The following EDARADD variants were observed in gnomAD, a reference collection of about 807,000 sequenced individuals.
The protein encoded by EDARADD is EDAR associated via death domain, also known as ectodysplasin-A receptor-associated adapter protein.
EDARADD carries 20 observed loss-of-function variants against 25.6 expected under a neutral mutation model. That is an observed-to-expected ratio of 0.78 (90% CI 0.55 to 1.14). The LOEUF is 1.14. EDARADD is among the 50% of genes most tolerant of loss of function. EDARADD has a pLI of 0.00. For missense variants in EDARADD, 225 were observed against 270.1 expected, an observed-to-expected ratio of 0.83 and a Z score of 1.17; for synonymous variants, 86 against 94.4, an observed-to-expected ratio of 0.91 and a Z score of 0.52.
At chr1:236,473,198 T>C (rs1558136951) in intron 5 of EDARADD, among the ~76,000 whole-genome samples, 1 of 152,106 alleles carries the variant, frequency 6.6e-6, no homozygotes, top group Non-Finnish European at 1.5e-5. Context: ...GTAAGTCATT[T>C]TATATGGTGG....
At position 236,484,606 on chromosome 1, in the gene EDARADD, G is replaced by A. The variant is rs1323232281; in HGVS notation, c.*1957G>A. Reference sequence around the variant, plus strand: ...TTAGCTACCCTTGCCCACCGCCGTGGAGTTCGCACCTCTTCCTTAGAACTT... The same window carrying A: ...TTAGCTACCCTTGCCCACCGCCGTGAAGTTCGCACCTCTTCCTTAGAACTT... On this transcript the variant is annotated 3_prime_UTR_variant, in exon 6 of 6. Coordinates refer to ENST00000334232, the MANE Select transcript of EDARADD (RefSeq NM_145861.4). The surrounding 1 kb of genome is among the most constrained non-coding windows in gnomAD (Gnocchi z 4.1). 11 of 629,230 alleles carry A rather than the reference G, an allele frequency of 1.7e-5. No homozygotes were observed. The African/African-American group carries it at 1.8e-4, about 10-fold the overall frequency. The allele number at this position is 629,230 out of a possible 1,614,324, so 39.0% of individuals were successfully genotyped here.
At chr1:236,448,087 G>C (rs1658614693) in intron 4 of EDARADD, among the ~76,000 whole-genome samples, 1 of 152,126 alleles carries the variant, frequency 6.6e-6, no homozygotes, top group Non-Finnish European at 1.5e-5. Flanking sequence ...CGCCTGCCTT[G>C]GGCTCCCAAA....
chr1:236,463,679 T>C (rs1019234010), intron 4 of EDARADD, among the ~76,000 whole-genome samples: 1 of 152,202 alleles, frequency 6.6e-6, no homozygotes, highest in Non-Finnish European at 1.5e-5. Flanking sequence ...CCTCCAGAAC[T>C]TCTCTGTCTT....
intron 4 of EDARADD, among the ~76,000 whole-genome samples, chr1:236,427,662 T>C (rs1325526009): frequency 6.6e-6 from 1 of 152,174 alleles, no homozygotes; most frequent in Non-Finnish European, 1.5e-5. Flanking sequence ...CATTCATTCT[T>C]TGAAATACTC....
At chr1:236,360,195 A>C (rs1667029721) in intron 3 of EDARADD, among the ~76,000 whole-genome samples, 1 of 152,066 alleles carries the variant, frequency 6.6e-6, no homozygotes, top group Admixed American at 6.6e-5. Flanking sequence ...GGTGGTGTAC[A>C]CCTGTAGTTC....
chr1:236,423,237 A>G (rs1351518280), intron 3 of EDARADD, among the ~76,000 whole-genome samples: 3 of 152,178 alleles, frequency 2.0e-5, no homozygotes, highest in African/African-American at 7.2e-5. Flanking sequence ...TGTTGCCACC[A>G]GAACCCAAAA....
At chr1:236,450,256 C>G (rs892848560) in intron 4 of EDARADD, among the ~76,000 whole-genome samples, 6 of 151,994 alleles carry the variant, frequency 3.9e-5, no homozygotes, top group African/African-American at 1.5e-4. Flanking sequence ...ATCGTGCCAC[C>G]ACACTCCCAC....
intron 3 of EDARADD, among the ~76,000 whole-genome samples, chr1:236,355,500 CTTTTTTTTTTTTTTT>C (rs563976436): frequency 3.7e-4 from 27 of 73,172 alleles, no homozygotes; most frequent in African/African-American, 1.4e-3. Flanking sequence ...GCTTCTTCTT[CTTTTTTTTTTTTTTT>C]TTTTTTTTTT....
intron 4 of EDARADD, among the ~76,000 whole-genome samples, chr1:236,460,968 C>A (rs1382547210): frequency 6.6e-6 from 1 of 151,324 alleles, no homozygotes; most frequent in Non-Finnish European, 1.5e-5. Flanking sequence ...ATTACAGGCA[C>A]CTGCCACCAT....
rs773247620 is a variant in EDARADD at position 236,484,572 on chromosome 1, C to G, written c.*1923C>G. On this transcript the variant is annotated 3_prime_UTR_variant, in exon 6 of 6. Transcript: ENST00000334232. This position sits in a 1 kb window ranked among gnomAD's most constrained non-coding sequence, Gnocchi z 4.1. ...ACCCCCGAGCAACATTTGTAGGGGC[C>G]GCTGCTAGTTAGCTACCCTTGCCCA... 4 of 880,892 alleles carry G rather than the reference C, an allele frequency of 4.5e-6. No homozygotes were observed. The East Asian group carries it at 7.9e-5, about 17-fold the overall frequency. The allele number at this position is 880,892 out of a possible 1,614,324, so 54.6% of individuals were successfully genotyped here. A position where few individuals can be genotyped will look rare whatever the true frequency, so the allele number is the denominator to read the frequency against.
At position 236,484,579 on chromosome 1, in the gene EDARADD, AG is replaced by A; in HGVS notation, c.*1931del. 1 of 818,326 alleles carries A rather than the reference AG, an allele frequency of 1.2e-6. No individual in the cohort carries two copies. The highest frequency in any genetic ancestry group is 2.0e-6 in the Non-Finnish European group (1 of 507,734). 50.7% of individuals were successfully genotyped at this position (818,326 alleles called of 1,614,324 possible). A position where few individuals can be genotyped will look rare whatever the true frequency, so the allele number is the denominator to read the frequency against. On this transcript the variant is annotated 3_prime_UTR_variant, in exon 6 of 6. Coordinates refer to ENST00000334232, the MANE Select transcript of EDARADD (RefSeq NM_145861.4). This position sits in a 1 kb window ranked among gnomAD's most constrained non-coding sequence, Gnocchi z 4.1. ...AGCAACATTTGTAGGGGCCGCTGCTAGTTAGCTACCCTTGCCCACCGCCGTG... is the reference window on the plus strand; with the variant it reads ...AGCAACATTTGTAGGGGCCGCTGCTATTAGCTACCCTTGCCCACCGCCGTG...
At chr1:236,434,683 G>C (rs1558123621) in intron 4 of EDARADD, among the ~76,000 whole-genome samples, 1 of 152,176 alleles carries the variant, frequency 6.6e-6, no homozygotes, top group African/African-American at 2.4e-5. Context: ...GATCTGAGGG[G>C]AGATTCTGTG....
At chr1:236,363,006 A>AAAATATATATAT (rs1377112051) in intron 3 of EDARADD, among the ~76,000 whole-genome samples, 1 of 42,948 alleles carries the variant, frequency 2.3e-5, no homozygotes, top group African/African-American at 1.1e-4. Flanking sequence ...AAAAAAAAAA[A>AAAATATATATAT]ATATATATAT....
chr1:236,479,916 T>C (rs1659621996), intron 5 of EDARADD, among the ~76,000 whole-genome samples: 1 of 76,694 alleles, frequency 1.3e-5, no homozygotes, highest in Admixed American at 1.2e-4. Context: ...AGTGTGATGG[T>C]GTGCACCTAG....
chr1:236,405,374 C>T (rs1338394349), intron 1 of EDARADD, among the ~76,000 whole-genome samples: 1 of 152,172 alleles, frequency 6.6e-6, no homozygotes, highest in Non-Finnish European at 1.5e-5. Flanking sequence ...TCACAGAACT[C>T]GGTCAGAGTC....
At chr1:236,354,991 A>G (rs1029122486) in intron 3 of EDARADD, among the ~76,000 whole-genome samples, 4 of 152,194 alleles carry the variant, frequency 2.6e-5, no homozygotes, top group Non-Finnish European at 5.9e-5. Flanking sequence ...AGGCACAAAA[A>G]CCATCCTGCC....
At chr1:236,478,613 G>T (rs1659575602) in intron 5 of EDARADD, among the ~76,000 whole-genome samples, 1 of 152,076 alleles carries the variant, frequency 6.6e-6, no homozygotes, top group African/African-American at 2.4e-5. Context: ...TTGAGACGGA[G>T]TCTCGCTCTG....
At chr1:236,464,761 C>T (rs1171594323) in intron 4 of EDARADD, among the ~76,000 whole-genome samples, 1 of 152,072 alleles carries the variant, frequency 6.6e-6, no homozygotes. Context: ...CACTGCTCCC[C>T]CTGCTTTTCT....
intron 4 of EDARADD, among the ~76,000 whole-genome samples, chr1:236,443,914 G>T (rs1263348818): frequency 1.3e-5 from 2 of 152,136 alleles, no homozygotes; most frequent in African/African-American, 4.8e-5. Context: ...GAAATCTTTT[G>T]TGAAATGAAG....
Sources: allele counts gnomAD v4.1 joint callset (sites outside exome capture counted in the v4.1 genomes callset), GRCh38; gene constraint gnomAD v4.1.1; non-coding constraint Gnocchi (gnomAD v3.1); transcripts MANE v1.5; gene names NCBI Gene and HGNC (gene_info 2026-07-23, HGNC 2026-07-21).